HPSE2: variants seen among roughly 807,000 people sequenced by gnomAD.
The protein encoded by HPSE2 is heparanase 2 (inactive), also known as inactive heparanase-2.
Under a neutral mutation model 60.5 loss-of-function variants are expected in HPSE2, and 38 were observed. The ratio of observed to expected loss-of-function variants is 0.63; its 90% confidence interval spans 0.48 to 0.82. HPSE2 has a LOEUF of 0.82. Ranked by LOEUF, HPSE2 falls within the 40% of genes least tolerant of loss-of-function variation. The pLI is 0.00. For missense variants in HPSE2, 713 were observed against 740.4 expected, an observed-to-expected ratio of 0.96 and a Z score of 0.43; for synonymous variants, 295 against 293.2, an observed-to-expected ratio of 1.01 and a Z score of -0.06.
chr10:98,570,772 C>T (rs1224746893), intron 9 of HPSE2, among the ~76,000 whole-genome samples: 2 of 152,060 alleles, frequency 1.3e-5, no homozygotes, highest in Admixed American at 1.3e-4. Context: ...CTGGATAGGT[C>T]AACTGCAGTC....
intron 3 of HPSE2, among the ~76,000 whole-genome samples, chr10:98,938,349 T>C (rs1307343834): frequency 7.0e-6 from 1 of 143,866 alleles, no homozygotes; most frequent in Admixed American, 6.9e-5. Flanking sequence ...GAAAAAAATT[T>C]AGACAAATGT....
At chr10:98,571,620 C>T (rs1040886215) in intron 9 of HPSE2, among the ~76,000 whole-genome samples, 5 of 82,560 alleles carry the variant, frequency 6.1e-5, no homozygotes, top group African/African-American at 1.7e-4. Context: ...GAACTGTATT[C>T]AATATTTACT....
chr10:98,657,308 T>C lies in HPSE2; in HGVS notation c.1005-15368A>G, dbSNP rs191900580. Among the ~76,000 whole-genome samples, 30 of 151,650 alleles carry C rather than the reference T, an allele frequency of 2.0e-4. No homozygotes were observed. In the East Asian group the frequency reaches 5.9e-3, roughly 30 times the overall value. On this transcript the variant is annotated intron_variant, in intron 6 of 11. Coordinates refer to ENST00000370552, the MANE Select transcript of HPSE2 (RefSeq NM_021828.5). ...CCTTCAGTTTCGTATCCTGCTTATG[T>C]TCCTTCCCTCTTTCCTCCAAAATCC...
intron 3 of HPSE2, among the ~76,000 whole-genome samples, chr10:98,957,481 T>C (rs1468949508): frequency 6.6e-6 from 1 of 152,202 alleles, no homozygotes; most frequent in Admixed American, 6.5e-5. Context: ...TAATAAGTCA[T>C]GGTAATAAGT....
chr10:98,739,993 T>C (rs995835740), intron 4 of HPSE2, among the ~76,000 whole-genome samples: 1 of 152,164 alleles, frequency 6.6e-6, no homozygotes, highest in African/African-American at 2.4e-5. Context: ...AGTTCTTTCT[T>C]ACTTTAGATT....
intron 3 of HPSE2, among the ~76,000 whole-genome samples, chr10:98,939,058 C>T (rs1323492267): frequency 7.0e-6 from 1 of 143,836 alleles, no homozygotes; most frequent in Admixed American, 6.9e-5. Flanking sequence ...CACCACCAGG[C>T]CTGCCCTAAA....
At chr10:98,980,542 G>A (rs911918451) in intron 3 of HPSE2, among the ~76,000 whole-genome samples, 2 of 152,174 alleles carry the variant, frequency 1.3e-5, no homozygotes, top group South Asian at 4.1e-4. Flanking sequence ...GGAACATCTG[G>A]ATTGGTTACA....
At position 98,707,792 on chromosome 10, in the gene HPSE2, G is replaced by A. The variant is rs531474289; in HGVS notation, c.957-13845C>T. Reference sequence around the variant, plus strand: ...CCAATTTATAGGCTTAATGAAATTCGAATAAAAAGTCCCAGCAGATATTTT... The same window carrying A: ...CCAATTTATAGGCTTAATGAAATTCAAATAAAAAGTCCCAGCAGATATTTT... On this transcript the variant is annotated intron_variant, in intron 5 of 11. Transcript: ENST00000370552. Among the ~76,000 whole-genome samples, 27 of 152,118 alleles carry A rather than the reference G, an allele frequency of 1.8e-4. No individual in the cohort carries two copies. The South Asian group carries it at 3.5e-3, about 20-fold the overall frequency.
chr10:98,782,941 G>GTTT (rs576508491), intron 3 of HPSE2, among the ~76,000 whole-genome samples: 76,829 of 115,732 alleles, frequency 0.66, 26,757 homozygotes, highest in South Asian at 0.75. Flanking sequence ...TTTTTTTAAT[G>GTTT]TTTTTTTTTT....
intron 9 of HPSE2, among the ~76,000 whole-genome samples, chr10:98,599,830 A>G (rs550470967): frequency 6.6e-6 from 1 of 152,212 alleles, no homozygotes; most frequent in African/African-American, 2.4e-5. Flanking sequence ...GTTCAAATGG[A>G]TGTTTCCACA....
intron 2 of HPSE2, among the ~76,000 whole-genome samples, chr10:99,197,651 T>C (rs1564887636): frequency 6.6e-6 from 1 of 152,258 alleles, no homozygotes; most frequent in East Asian, 1.9e-4. Flanking sequence ...AAATGTAATA[T>C]AGAAATACTA....
At chr10:99,132,228 AGAGAG>A (rs1845460248) in intron 3 of HPSE2, among the ~76,000 whole-genome samples, 6 of 48,020 alleles carry the variant, frequency 1.2e-4, no homozygotes, top group Non-Finnish European at 3.0e-4. Flanking sequence ...AGAGAGAGAG[AGAGAG>A]AGAGAGAGAG....
intron 3 of HPSE2, among the ~76,000 whole-genome samples, chr10:99,098,968 C>CG (rs1843828199): frequency 6.6e-6 from 1 of 152,114 alleles, no homozygotes; most frequent in Non-Finnish European, 1.5e-5. Flanking sequence ...TAAACATCTC[C>CG]TTTTTTTCAA....
At chr10:98,717,000 A>G (rs1310685167) in intron 5 of HPSE2, among the ~76,000 whole-genome samples, 1 of 152,138 alleles carries the variant, frequency 6.6e-6, no homozygotes, top group Non-Finnish European at 1.5e-5. Context: ...TGTCTCATCC[A>G]TATTGAAAAT....
In HPSE2 at chr10:98,936,198, G is replaced by C. The variant is rs537655650; in HGVS notation, c.611-192142C>G. ...AGGCAGACTCCAGACTTCTGTACTTGCAATGGGAATTTCAAGCCAGTGGTT... is the reference window on the plus strand; with the variant it reads ...AGGCAGACTCCAGACTTCTGTACTTCCAATGGGAATTTCAAGCCAGTGGTT... On this transcript the variant is annotated intron_variant, in intron 3 of 11. Coordinates refer to ENST00000370552, the MANE Select transcript of HPSE2 (RefSeq NM_021828.5). Among the ~76,000 whole-genome samples the C allele has an allele frequency of 1.3e-3, 183 of 144,424 alleles. 14 individuals are homozygous for C. The highest frequency in any genetic ancestry group is 2.2e-3 in the Non-Finnish European group (151 of 67,190). The allele number at this position is 144,424 out of a possible 152,430, so 94.7% of individuals were successfully genotyped here. A position where few individuals can be genotyped will look rare whatever the true frequency, so the allele number is the denominator to read the frequency against.
At chr10:99,203,356 AG>A (rs1439621427) in intron 2 of HPSE2, among the ~76,000 whole-genome samples, 1 of 152,006 alleles carries the variant, frequency 6.6e-6, no homozygotes, top group Non-Finnish European at 1.5e-5. Context: ...CTACAACTAC[AG>A]GCTCCAAGCC....
chr10:98,546,552 GA>G (rs1176659401), intron 9 of HPSE2, among the ~76,000 whole-genome samples: 2 of 151,980 alleles, frequency 1.3e-5, no homozygotes, highest in African/African-American at 2.4e-5. Flanking sequence ...AAGCAATGGG[GA>G]AAGGATTCCC....
the HPSE2 span, among the ~76,000 whole-genome samples, chr10:99,304,834 T>C: frequency 2.0e-5 from 3 of 152,194 alleles, no homozygotes; most frequent in Non-Finnish European, 2.9e-5. Flanking sequence ...TATAGACACA[T>C]GGGCAGGAGT....
intron 3 of HPSE2, among the ~76,000 whole-genome samples, chr10:98,896,310 G>A (rs1188854530): frequency 6.6e-6 from 1 of 152,080 alleles, no homozygotes; most frequent in African/African-American, 2.4e-5. Flanking sequence ...TATTTAGGGG[G>A]AAATTTGGAG....
Sources: gnomAD v4.1 joint callset for allele counts (sites outside exome capture counted in the v4.1 genomes callset) on GRCh38, gnomAD v4.1.1 for gene constraint, MANE v1.5 for transcripts, NCBI Gene and HGNC (gene_info 2026-07-23, HGNC 2026-07-21) for gene names.